The following SULF1 variants were observed in gnomAD, a reference collection of about 807,000 sequenced individuals.
SULF1 encodes the protein sulfatase 1, also known as extracellular sulfatase Sulf-1.
Under a neutral mutation model 110.5 loss-of-function variants are expected in SULF1, and 46 were observed. The observed-to-expected ratio is 0.42, with a 90% confidence interval of 0.33 to 0.53. SULF1 has a LOEUF of 0.53. Ranked by LOEUF, SULF1 falls within the 20% of genes least tolerant of loss-of-function variation. The pLI, the probability that SULF1 is intolerant of heterozygous loss-of-function variation, is 0.12. For synonymous variants in SULF1, 371 were observed against 387.1 expected (o/e 0.96, Z 0.49); for missense variants, 941 against 1,094.2 (o/e 0.86, Z 1.98).
Position 69,659,200 on chromosome 8 carries a change from G to A in SULF1, c.*665G>A, listed in dbSNP as rs867313795. 2.0e-5 allele frequency: 9 copies of A among 456,638 alleles called. No individual in the cohort carries two copies. Among genetic ancestry groups the A allele is most frequent in the African/African-American group, 1.2e-4 (6 of 50,060 alleles). The allele number at this position is 456,638 out of a possible 1,614,324, so 28.3% of individuals were successfully genotyped here. On this transcript the variant is annotated 3_prime_UTR_variant, in exon 23 of 23. Coordinates refer to ENST00000402687, the MANE Select transcript of SULF1 (RefSeq NM_001128205.2). ...TCATCAGATGTTCACCATGGCCACC[G>A]CAGAACACCGAAGTAATTCCAGCAT...
chr8:69,581,495 A>G lies in SULF1; in HGVS notation c.413-4862A>G, dbSNP rs556871346. On this transcript the variant is annotated intron_variant, in intron 6 of 22. Coordinates refer to ENST00000402687, the MANE Select transcript of SULF1 (RefSeq NM_001128205.2). ...TTCTCCCTGCCCCCCAACCCCCACC[A>G]CCTTCTTAAACAGCTGTGAAGGGAA... is the stretch of plus-strand genomic sequence containing the variant. Among the ~76,000 whole-genome samples the G allele has an allele frequency of 5.3e-5, 8 of 152,140 alleles. No individual in the cohort carries two copies. The East Asian group carries it at 1.4e-3, about 26-fold the overall frequency.
intron 3 of SULF1, among the ~76,000 whole-genome samples, chr8:69,511,632 A>C (rs748719715): frequency 7.2e-5 from 11 of 152,174 alleles, no homozygotes; most frequent in Non-Finnish European, 1.5e-4. Flanking sequence ...CCCTGTCCTC[A>C]CACATGCACA....
At chr8:69,561,496 A>G (rs1039118579) in intron 3 of SULF1, among the ~76,000 whole-genome samples, 8 of 152,212 alleles carry the variant, frequency 5.3e-5, no homozygotes, top group African/African-American at 1.9e-4. Flanking sequence ...GAAAAGAATA[A>G]CTAGCAATGT....
intron 3 of SULF1, among the ~76,000 whole-genome samples, chr8:69,559,879 T>G (rs1445226312): frequency 2.0e-5 from 3 of 151,928 alleles, no homozygotes; most frequent in South Asian, 2.1e-4. Context: ...TGAAGCTGGG[T>G]TTTTTTTGTT....
intron 6 of SULF1, among the ~76,000 whole-genome samples, chr8:69,584,775 C>T (rs969194184): frequency 3.3e-5 from 5 of 152,154 alleles, no homozygotes. Flanking sequence ...CAATTTTACA[C>T]CACTGTAAAT....
intron 1 of SULF1, among the ~76,000 whole-genome samples, chr8:69,468,068 C>G (rs1377617717): frequency 2.0e-5 from 3 of 152,176 alleles, no homozygotes; most frequent in Non-Finnish European, 4.4e-5. Context: ...AATTTTCTAG[C>G]AAGATAGGTG....
chr8:69,593,805 C>T (rs897395192), intron 8 of SULF1, among the ~76,000 whole-genome samples: 3 of 152,172 alleles, frequency 2.0e-5, no homozygotes, highest in Non-Finnish European at 4.4e-5. Context: ...GGCTAAGACT[C>T]TACTATACTT....
At chr8:69,613,973 T>A (rs564718528) in intron 13 of SULF1, among the ~76,000 whole-genome samples, 3,447 of 150,794 alleles carry the variant, frequency 0.023, 129 homozygotes, top group African/African-American at 0.079. Context: ...AAAAAAAAAA[T>A]AATAAAATTA....
chr8:69,526,790 CAAGA>C (rs374211787), intron 3 of SULF1, among the ~76,000 whole-genome samples: 1,347 of 79,610 alleles, frequency 0.017, 21 homozygotes, highest in Non-Finnish European at 0.027. Flanking sequence ...GACCCTGTGT[CAAGA>C]AAGAAAGGAA....
intron 3 of SULF1, among the ~76,000 whole-genome samples, chr8:69,517,967 T>C (rs907152653): frequency 1.3e-5 from 2 of 152,242 alleles, no homozygotes; most frequent in Admixed American, 1.3e-4. Context: ...CATAGGCATA[T>C]GGTTTGTATA....
chr8:69,571,779 T>A (rs1339932439), intron 5 of SULF1, among the ~76,000 whole-genome samples: 2 of 152,226 alleles, frequency 1.3e-5, no homozygotes, highest in Non-Finnish European at 2.9e-5. Context: ...AAAAAATCAA[T>A]GGCACAATCA....
At chr8:69,489,569 CTCTT>C (rs1563461559), upstream of SULF1, among the ~76,000 whole-genome samples, 7 of 135,156 alleles carry the variant, frequency 5.2e-5, no homozygotes, top group African/African-American at 2.0e-4. Context: ...TTCTTTCTTT[CTCTT>C]TTTTTTTTTT....
At chr8:69,650,261 C>G (rs1039068604) in intron 22 of SULF1, among the ~76,000 whole-genome samples, 1 of 151,982 alleles carries the variant, frequency 6.6e-6, no homozygotes, top group Non-Finnish European at 1.5e-5. Flanking sequence ...CTCAACCTCC[C>G]GAATTGCTGG....
intron 19 of SULF1, among the ~76,000 whole-genome samples, chr8:69,635,782 A>T (rs1810947192): frequency 6.6e-6 from 1 of 152,154 alleles, no homozygotes; most frequent in Non-Finnish European, 1.5e-5. Flanking sequence ...AACTGACAGG[A>T]TCACTTGAGC....
intron 5 of SULF1, among the ~76,000 whole-genome samples, chr8:69,573,573 A>C (rs1257315488): frequency 6.6e-6 from 1 of 152,230 alleles, no homozygotes; most frequent in Non-Finnish European, 1.5e-5. Flanking sequence ...ACTACTGGAC[A>C]CTGAAAAGCC....
At chr8:69,577,480 GTGT>G (rs1214974500) in intron 6 of SULF1, among the ~76,000 whole-genome samples, 1 of 152,206 alleles carries the variant, frequency 6.6e-6, no homozygotes, top group African/African-American at 2.4e-5. Flanking sequence ...CTTCTGGGAA[GTGT>G]TGTGTGAAAT....
chr8:69,639,972 G>A (rs1424915988), intron 21 of SULF1, among the ~76,000 whole-genome samples: 5 of 152,076 alleles, frequency 3.3e-5, no homozygotes, highest in Non-Finnish European at 1.5e-5. Flanking sequence ...AGAGCAGACT[G>A]TACTTGCAAA....
rs1273788067 is a variant in SULF1, at chr8:69,575,986, G to A, written c.189G>A (p.Met63Ile). ...QDVELGSLQV[M>I]NKTRKIMEHG... ...GCCTTTCAGGGTCCCTGCAAGTCAT[G>A]AACAAAACGAGAAAGATTATGGAAC... The change falls in exon 6 of 23, where the codon ATG becomes ATA. Residue 63 changes from methionine to isoleucine, a missense_variant. Met to Ile is a conservative substitution (Grantham distance 10, BLOSUM62 1). Transcript: ENST00000402687. 1 of 1,613,878 alleles carries A rather than the reference G, an allele frequency of 6.2e-7. No individual in the cohort carries two copies. Among genetic ancestry groups the A allele is most frequent in the Admixed American group, 1.7e-5 (1 of 59,992 alleles).
In SULF1 at chr8:69,603,163, C is replaced by G. The variant is rs56091021; in HGVS notation, c.1062-29C>G. The G allele has an allele frequency of 8.2e-3, 13,211 of 1,612,520 alleles. 933 individuals are homozygous for G. The African/African-American group carries it at 0.15, about 19-fold the overall frequency. ...GTGCCACCTTCCCCTGGCATTGGAT[C>G]TCAGCCATCACCGTGTGCCCCTTTA... On this transcript the variant is annotated intron_variant, in intron 10 of 22. Coordinates refer to ENST00000402687, the MANE Select transcript of SULF1 (RefSeq NM_001128205.2).
Sources: gnomAD v4.1 joint callset for allele counts (sites outside exome capture counted in the v4.1 genomes callset) on GRCh38, gnomAD v4.1.1 for gene constraint, MANE v1.5 for transcripts, NCBI Gene and HGNC (gene_info 2026-07-23, HGNC 2026-07-21) for gene names.